The following ZNF589 variants were observed in gnomAD, a reference collection of about 807,000 sequenced individuals.
ZNF589 encodes zinc finger protein 589.
In ZNF589, 17 loss-of-function variants were observed where a neutral mutation model predicts 13.6. The observed-to-expected ratio is 1.25, with a 90% CI of 0.86 to 1.88. The LOEUF (loss-of-function observed/expected upper bound fraction) is 1.88. Ranked by LOEUF, ZNF589 falls within the 40% of genes most tolerant of loss-of-function variation. The pLI, the probability that ZNF589 is intolerant of heterozygous loss-of-function variation, is 0.00. For synonymous variants in ZNF589, 148 were observed against 161.6 expected (o/e 0.92, Z 0.64); for missense variants, 407 against 434.0 (o/e 0.94, Z 0.55).
intron 2 of ZNF589, among the ~76,000 whole-genome samples, chr3:48,259,888 C>A (rs1194417003): frequency 6.9e-6 from 1 of 144,448 alleles, no homozygotes; most frequent in Admixed American, 7.2e-5. Context: ...CACTGCAGTT[C>A]GGCCTGGGTG....
intron 2 of ZNF589, among the ~76,000 whole-genome samples, chr3:48,254,592 A>C (rs1265536153): frequency 2.6e-5 from 4 of 152,240 alleles, no homozygotes; most frequent in African/African-American, 9.6e-5. Flanking sequence ...CTAACTATCC[A>C]TGAAGATAGA....
intron 3 of ZNF589, among the ~76,000 whole-genome samples, chr3:48,262,560 A>G (rs1249824719): frequency 1.3e-5 from 2 of 152,172 alleles, no homozygotes; most frequent in Non-Finnish European, 2.9e-5. Flanking sequence ...CTTCAGTATC[A>G]TCCAACACCT....
intron 2 of ZNF589, among the ~76,000 whole-genome samples, chr3:48,253,592 C>G (rs796373301): frequency 6.6e-6 from 1 of 151,006 alleles, no homozygotes; most frequent in Non-Finnish European, 1.5e-5. Context: ...CTCTGCCTCC[C>G]GGGTCCACGC....
rs1236353289 is a variant in ZNF589, at chr3:48,241,790, A to G, written c.43+576A>G. Among the ~76,000 whole-genome samples the G allele has an allele frequency of 2.6e-5, 4 of 152,090 alleles. No homozygotes were observed. In the East Asian group the frequency reaches 7.8e-4, roughly 30 times the overall value. On this transcript the variant is annotated intron_variant, in intron 1 of 3. Coordinates refer to ENST00000354698, the MANE Select transcript of ZNF589 (RefSeq NM_016089.3). ...CGTGATCCGCCCACCTCGGCCTCCC[A>G]AAGTGCTGGGATTACAGGCGTGAGC...
chr3:48,264,301 G>A (rs1390627762), intron 3 of ZNF589, among the ~76,000 whole-genome samples: 1 of 152,154 alleles, frequency 6.6e-6, no homozygotes, highest in Non-Finnish European at 1.5e-5. Context: ...CTGGGAGGCC[G>A]AGGCAGGCAG....
In ZNF589 at chr3:48,268,290, TAGAC is replaced by T. The variant is rs2034043971; in HGVS notation, c.603_606del (p.Asp201GlufsTer21). The T allele has an allele frequency of 5.0e-6, 8 of 1,613,006 alleles. No homozygotes were observed. The highest frequency in any genetic ancestry group is 5.9e-6 in the Non-Finnish European group (7 of 1,179,258). ...GCCCAGAATGCAAGCTCTGAGGAAG[TAGAC>T]AGAATTTCCAAGAGGGCAGAAACCC... On this transcript the variant is annotated frameshift_variant, in exon 4 of 4. Coordinates refer to ENST00000354698, the MANE Select transcript of ZNF589 (RefSeq NM_016089.3). LOFTEE classifies it low-confidence loss of function (END_TRUNC).
At chr3:48,264,703 C>T (rs1472001769) in intron 3 of ZNF589, among the ~76,000 whole-genome samples, 2 of 152,000 alleles carry the variant, frequency 1.3e-5, no homozygotes, top group Admixed American at 1.3e-4. Flanking sequence ...GTGGCACACG[C>T]CTGTAGTCCC....
rs551967558 is a variant in ZNF589, at chr3:48,252,855, C to G, written c.96+5178C>G. ...TCCAGGATGGTCTCAATCTCCTGAC[C>G]TCGTGATCCACACGCCTCCCAGAGT... On this transcript the variant is annotated intron_variant, in intron 2 of 3. Transcript: ENST00000354698. Among the ~76,000 whole-genome samples the G allele has an allele frequency of 2.0e-4, 30 of 151,378 alleles. No individual in the cohort carries two copies. In the East Asian group the frequency reaches 5.7e-3, roughly 29 times the overall value.
intron 2 of ZNF589, chr3:48,256,746 TAGG>T (rs1200462610): frequency 6.2e-7 from 1 of 1,603,690 alleles, no homozygotes; most frequent in African/African-American, 1.3e-5. Flanking sequence ...CCAGAGGGGT[TAGG>T]AGGATTTGGA....
rs140649192 is a variant in ZNF589, at chr3:48,249,747, G to A, written c.96+2070G>A. ...GTATACCTTGCGTAATGATCAAATCGGGGTAATTAGCATATCCATCACCTT... is the reference window on the plus strand; with the variant it reads ...GTATACCTTGCGTAATGATCAAATCAGGGTAATTAGCATATCCATCACCTT... On this transcript the variant is annotated intron_variant, in intron 2 of 3. Transcript: ENST00000354698. Among the ~76,000 whole-genome samples the A allele has an allele frequency of 3.3e-5, 5 of 152,210 alleles. No homozygotes were observed. In the East Asian group the frequency reaches 7.7e-4, roughly 23 times the overall value.
At chr3:48,255,037 TCCTTG>T (rs1326502600) in intron 2 of ZNF589, among the ~76,000 whole-genome samples, 1 of 152,170 alleles carries the variant, frequency 6.6e-6, no homozygotes, top group Non-Finnish European at 1.5e-5. Flanking sequence ...AGAGAAGACA[TCCTTG>T]CCTTGTTTCC....
rs1050371762 is a variant in ZNF589 at position 48,270,322 on chromosome 3, C to A, written c.*1536C>A. ...CTTCAGACTCAGGACTTAAACATAGCCACGCCACCTTGGCCTTCAATGACA... is the reference window on the plus strand; with the variant it reads ...CTTCAGACTCAGGACTTAAACATAGACACGCCACCTTGGCCTTCAATGACA... On this transcript the variant is annotated 3_prime_UTR_variant, in exon 4 of 4. Transcript: ENST00000354698. 6 of 430,914 alleles carry A rather than the reference C, an allele frequency of 1.4e-5. No homozygotes were observed. Among genetic ancestry groups the A allele is most frequent in the African/African-American group, 1.2e-4 (6 of 49,254 alleles). The allele number at this position is 430,914 out of a possible 1,614,324, so 26.7% of individuals were successfully genotyped here.
In ZNF589 at chr3:48,241,206, C is replaced by G; in HGVS notation, c.35C>G (p.Thr12Ser). 6.2e-7 allele frequency: 1 copy of G among 1,612,844 alleles called. No homozygotes were observed. The highest frequency in any genetic ancestry group is 8.5e-7 in the Non-Finnish European group (1 of 1,179,772). Residue 12 changes from threonine (T) to serine (S), a missense_variant, in exon 1 of 4, where the codon ACT becomes AGT. Transcript: ENST00000354698. ...WAPREQLLGW[T>S]AEALPAKDSA... ...CCGCGGGAGCAGCTACTGGGCTGGA[C>G]TGCGGAAGGTGAGTCGGGGCCGCGA... is the stretch of plus-strand genomic sequence containing the variant.
At position 48,270,047 on chromosome 3, in the gene ZNF589, C is replaced by T. The variant is rs1441201330; in HGVS notation, c.*1261C>T. The T allele has an allele frequency of 4.4e-6, 2 of 457,258 alleles. No homozygotes were observed. The highest frequency in any genetic ancestry group is 8.8e-6 in the Non-Finnish European group (2 of 227,104). 28.3% of individuals were successfully genotyped at this position (457,258 alleles called of 1,614,324 possible). Reference sequence around the variant, plus strand: ...AGAGCAGAGGTGTCAAGTGACGGTCCCCTTGGAGGAATGGTCTTTGCATCT... The same window carrying T: ...AGAGCAGAGGTGTCAAGTGACGGTCTCCTTGGAGGAATGGTCTTTGCATCT... On this transcript the variant is annotated 3_prime_UTR_variant, in exon 4 of 4. Transcript: ENST00000354698.
In ZNF589 at chr3:48,270,193, A is replaced by T. The variant is rs752669689; in HGVS notation, c.*1407A>T. The T allele has an allele frequency of 4.4e-6, 2 of 457,178 alleles. No homozygotes were observed. The highest frequency in any genetic ancestry group is 3.1e-5 in the South Asian group (2 of 64,566). 28.3% of individuals were successfully genotyped at this position (457,178 alleles called of 1,614,324 possible). ...CCTACCCCACCTTTAGATTTTACTCAGAGTTCAGTCTCCAGCCCTACAATC... is the reference window on the plus strand; with the variant it reads ...CCTACCCCACCTTTAGATTTTACTCTGAGTTCAGTCTCCAGCCCTACAATC... On this transcript the variant is annotated 3_prime_UTR_variant, in exon 4 of 4. Transcript: ENST00000354698.
chr3:48,256,855 A>AGACCAGCAGT, intron 2 of ZNF589: 2 of 1,190,730 alleles, frequency 1.7e-6, no homozygotes, highest in Non-Finnish European at 2.4e-6. Context: ...CTGGAAGCTG[A>AGACCAGCAGT]GACCAGCTGG....
At chr3:48,264,701 C>A (rs1162342081) in intron 3 of ZNF589, among the ~76,000 whole-genome samples, 1 of 151,510 alleles carries the variant, frequency 6.6e-6, no homozygotes, top group Admixed American at 6.6e-5. Context: ...TGGTGGCACA[C>A]GCCTGTAGTC....
intron 1 of ZNF589, among the ~76,000 whole-genome samples, chr3:48,245,002 A>G (rs900885273): frequency 6.6e-6 from 1 of 151,866 alleles, no homozygotes; most frequent in Non-Finnish European, 1.5e-5. Context: ...TTTGGTAGAG[A>G]TGGGGTTTCA....
intron 2 of ZNF589, chr3:48,256,387 T>C: frequency 5.3e-6 from 3 of 562,170 alleles, no homozygotes; most frequent in Non-Finnish European, 3.5e-6. Context: ...GTAGCAGACA[T>C]TGTCCCTCAG....
Sources: gnomAD v4.1 joint callset for allele counts (sites outside exome capture counted in the v4.1 genomes callset) on GRCh38, gnomAD v4.1.1 for gene constraint, MANE v1.5 for transcripts, NCBI Gene and HGNC (gene_info 2026-07-23, HGNC 2026-07-21) for gene names.